The following ATG4C variants were observed in gnomAD, a reference collection of about 807,000 sequenced individuals.
ATG4C encodes autophagy related 4C cysteine peptidase.
A neutral mutation model predicts 57.6 loss-of-function variants in ATG4C; 56 were observed. The observed-to-expected ratio is 0.97, with a 90% CI of 0.78 to 1.21. The LOEUF is 1.21. ATG4C is among the 50% of genes most tolerant of loss of function. ATG4C has a pLI of 0.00. For missense variants in ATG4C, 595 were observed against 529.8 expected (o/e 1.12, Z -1.21); for synonymous variants, 157 against 174.1 (o/e 0.90, Z 0.78).
At chr1:62,848,296 T>C (rs987377851) in intron 10 of ATG4C, among the ~76,000 whole-genome samples, 1 of 152,206 alleles carries the variant, frequency 6.6e-6, no homozygotes, top group African/African-American at 2.4e-5. Flanking sequence ...TTTTTGTACT[T>C]TGTGTCATCA....
At chr1:62,814,257 A>G (rs898551295) in intron 3 of ATG4C, among the ~76,000 whole-genome samples, 2 of 152,248 alleles carry the variant, frequency 1.3e-5, no homozygotes, top group Non-Finnish European at 2.9e-5. Flanking sequence ...ATGGAATACT[A>G]TGCAGCCATA....
intron 8 of ATG4C, among the ~76,000 whole-genome samples, chr1:62,834,399 T>C (rs747324687): frequency 3.3e-5 from 5 of 152,114 alleles, no homozygotes; most frequent in Non-Finnish European, 7.4e-5. Context: ...TGTTTACATA[T>C]TTACTTTTTA....
At chr1:62,842,243 A>G (rs893271481) in intron 10 of ATG4C, among the ~76,000 whole-genome samples, 2 of 151,930 alleles carry the variant, frequency 1.3e-5, no homozygotes, top group Non-Finnish European at 2.9e-5. Flanking sequence ...CTTTATTTGT[A>G]CCAGTAGTTA....
At chr1:62,816,895 A>G (rs1665297263) in intron 4 of ATG4C, 87 bp downstream of exon 4, 6 of 1,028,680 alleles carry the variant, frequency 5.8e-6, no homozygotes, top group East Asian at 2.7e-5. Context: ...TACAAACTGC[A>G]TGAAATTCCC....
chr1:62,862,249 CT>C (rs1301178520), intron 10 of ATG4C, among the ~76,000 whole-genome samples: 1 of 151,192 alleles, frequency 6.6e-6, no homozygotes, highest in East Asian at 1.9e-4. Flanking sequence ...TCCTTTCTGA[CT>C]TTTTTTTTCA....
intron 1 of ATG4C, among the ~76,000 whole-genome samples, chr1:62,786,381 T>C (rs1276945256): frequency 6.6e-6 from 1 of 152,158 alleles, no homozygotes; most frequent in African/African-American, 2.4e-5. Flanking sequence ...GCAGAAAATA[T>C]AGTCAATATG....
chr1:62,835,389 A>G (rs1665969048), intron 9 of ATG4C: 2 of 357,926 alleles, frequency 5.6e-6, no homozygotes, highest in Non-Finnish European at 1.1e-5. Flanking sequence ...TATACAGGTC[A>G]TTTTGTGATC....
intron 6 of ATG4C, among the ~76,000 whole-genome samples, chr1:62,827,115 C>G (rs1291642734): frequency 1.3e-5 from 2 of 152,124 alleles, no homozygotes; most frequent in Non-Finnish European, 2.9e-5. Context: ...TAGGACATCC[C>G]TAAAAAATTC....
intron 6 of ATG4C, among the ~76,000 whole-genome samples, chr1:62,825,270 C>A (rs1665613988): frequency 6.6e-6 from 1 of 151,514 alleles, no homozygotes; most frequent in African/African-American, 2.4e-5. Context: ...AGCCGTTGTG[C>A]CCACCCCAAA....
intron 10 of ATG4C, among the ~76,000 whole-genome samples, chr1:62,852,876 C>A (rs1254404258): frequency 6.6e-6 from 1 of 151,920 alleles, no homozygotes. Flanking sequence ...TCTATTCACT[C>A]TCACCTTAAC....
intron 1 of ATG4C, among the ~76,000 whole-genome samples, chr1:62,787,279 G>C (rs1664122427): frequency 6.6e-6 from 1 of 152,016 alleles, no homozygotes; most frequent in Admixed American, 6.5e-5. Context: ...ATTGAGCAGG[G>C]GTGGGGTTCT....
At chr1:62,822,779 G>A (rs558057460) in intron 6 of ATG4C, among the ~76,000 whole-genome samples, 1 of 151,994 alleles carries the variant, frequency 6.6e-6, no homozygotes, top group East Asian at 1.9e-4. Flanking sequence ...TTCTTATTCT[G>A]TGTTGTTTTC....
intron 7 of ATG4C, among the ~76,000 whole-genome samples, chr1:62,830,057 G>T (rs1239325041): frequency 6.6e-6 from 1 of 152,064 alleles, no homozygotes; most frequent in Non-Finnish European, 1.5e-5. Flanking sequence ...TCTCAGGGTA[G>T]ATTGTGCTAA....
chr1:62,846,874 T>C (rs1021699590), intron 10 of ATG4C, among the ~76,000 whole-genome samples: 2 of 152,130 alleles, frequency 1.3e-5, no homozygotes, highest in African/African-American at 2.4e-5. Context: ...TGGTAATTCT[T>C]TCAAAACATA....
chr1:62,822,105 G>GT (rs1006428355), intron 6 of ATG4C, among the ~76,000 whole-genome samples: 35 of 151,710 alleles, frequency 2.3e-4, no homozygotes, highest in African/African-American at 3.1e-4. Flanking sequence ...GCTGTTAAGT[G>GT]TTTTTTTTAC....
chr1:62,810,203 T>C (rs1316485165), intron 3 of ATG4C, among the ~76,000 whole-genome samples: 1 of 152,172 alleles, frequency 6.6e-6, no homozygotes, highest in African/African-American at 2.4e-5. Context: ...CACAATTATT[T>C]ATTGAGAGGT....
chr1:62,789,199 CTAAA>C (rs1664185008), intron 1 of ATG4C, among the ~76,000 whole-genome samples: 1 of 152,196 alleles, frequency 6.6e-6, no homozygotes. Flanking sequence ...GCTCTCTTCT[CTAAA>C]TAAGAGCTTT....
intron 6 of ATG4C, among the ~76,000 whole-genome samples, chr1:62,824,669 C>CTT (rs397862637): frequency 0.011 from 1,550 of 135,424 alleles, 49 homozygotes; most frequent in African/African-American, 0.038. Context: ...CTCTCTCTCT[C>CTT]TTTTTTTTTT....
chr1:62,827,923 TC>T (rs1572140566), intron 6 of ATG4C, among the ~76,000 whole-genome samples: 1 of 152,194 alleles, frequency 6.6e-6, no homozygotes, highest in East Asian at 1.9e-4. Flanking sequence ...GGTTTTCTGT[TC>T]CTGTGTTAGT....
Sources: gnomAD v4.1 joint callset for allele counts (sites outside exome capture counted in the v4.1 genomes callset) on GRCh38, gnomAD v4.1.1 for gene constraint, MANE v1.5 for transcripts, NCBI Gene and HGNC (gene_info 2026-07-23, HGNC 2026-07-21) for gene names.